The following FAM118A variants were observed in gnomAD, a reference collection of about 807,000 sequenced individuals.
The protein encoded by FAM118A is protein FAM118A.
FAM118A carries 25 observed loss-of-function variants against 38.2 expected under a neutral mutation model. That is an observed-to-expected ratio of 0.65 (90% CI 0.48 to 0.91). The LOEUF (loss-of-function observed/expected upper bound fraction) is 0.91, where lower values mean the gene tolerates loss of function less well. FAM118A is among the 40% of genes least tolerant of loss of function. The probability of loss-of-function intolerance (pLI) is 0.00; values close to 1 mark genes in which losing one functional copy is unlikely to be tolerated. For missense variants in FAM118A, 425 were observed against 463.3 expected, an observed-to-expected ratio of 0.92 and a Z score of 0.76; for synonymous variants, 178 against 184.1, an observed-to-expected ratio of 0.97 and a Z score of 0.27.
chr22:45,326,889 A>G (rs1380209307), intron 3 of FAM118A, among the ~76,000 whole-genome samples: 5 of 144,156 alleles, frequency 3.5e-5, no homozygotes, highest in Non-Finnish European at 6.0e-5. Flanking sequence ...GTGCACCTAT[A>G]GTCCCAGCTA....
intron 1 of FAM118A, chr22:45,321,602 A>T (rs1381441440): frequency 6.6e-6 from 1 of 152,234 alleles, no homozygotes; most frequent in Non-Finnish European, 1.5e-5. Context: ...TTCTTTGTAG[A>T]GACAGGATCT....
intron 4 of FAM118A, chr22:45,328,632 T>A: frequency 5.8e-6 from 3 of 520,854 alleles, no homozygotes; most frequent in Non-Finnish European, 6.9e-6. Context: ...CCCTTTCTCT[T>A]AAAAAAAAAA....
intron 5 of FAM118A, among the ~76,000 whole-genome samples, chr22:45,331,066 C>T (rs568746675): frequency 4.6e-5 from 7 of 152,332 alleles, no homozygotes; most frequent in South Asian, 2.1e-4. Context: ...TGAAACTCCT[C>T]AGCATGACAT....
rs1008307951 is a variant in FAM118A at position 45,309,939 on chromosome 22, G to T, written c.-254G>T. 6.6e-6 allele frequency: 1 copy of T among 152,144 alleles called. No individual in the cohort carries two copies. Among genetic ancestry groups the T allele is most frequent in the African/African-American group, 2.4e-5 (1 of 41,392 alleles). The allele number at this position is 152,144 out of a possible 1,614,324, so 9.4% of individuals were successfully genotyped here. A position where few individuals can be genotyped will look rare whatever the true frequency, so the allele number is the denominator to read the frequency against. On this transcript the variant is annotated 5_prime_UTR_variant, in exon 1 of 9. Coordinates refer to ENST00000441876, the MANE Select transcript of FAM118A (RefSeq NM_017911.4). The stretch of plus-strand genomic sequence containing the variant: ...GGCGCGCGGGGGAAGGGTTTGCGGC[G>T]GCGCCGCTGCCGGCTAACGCGGAGG...
intron 6 of FAM118A, 97 bp from the exon 7 acceptor site, chr22:45,335,253 C>T: frequency 7.0e-7 from 1 of 1,429,188 alleles, no homozygotes; most frequent in Non-Finnish European, 9.8e-7. Context: ...GAAGCCTGTT[C>T]CCAGTCCCTG....
chr22:45,339,631 T>C (rs1569161938), intron 8 of FAM118A, among the ~76,000 whole-genome samples: 2 of 152,176 alleles, frequency 1.3e-5, no homozygotes. Flanking sequence ...TTTCCACTAC[T>C]TTCTTTCACG....
At chr22:45,335,878 G>C (rs2205661) in intron 7 of FAM118A, among the ~76,000 whole-genome samples, 56,872 of 152,256 alleles carry the variant, frequency 0.37, 13,154 homozygotes, top group Non-Finnish European at 0.53. Context: ...GCGTCCTCCT[G>C]TGTGTGCGCT....
At chr22:45,334,789 T>G (rs1724209706) in intron 6 of FAM118A, among the ~76,000 whole-genome samples, 1 of 152,204 alleles carries the variant, frequency 6.6e-6, no homozygotes, top group African/African-American at 2.4e-5. Context: ...CATGTGTGGC[T>G]CTGCAGAGAG....
In FAM118A at chr22:45,315,104, T is replaced by G. The variant is rs181648552; in HGVS notation, c.-10+4921T>G. ...AGTGGCAGTAATTAATGTTGCTCTT[T>G]GAATTAATTTGTGACCAAATTAAAC... On this transcript the variant is annotated intron_variant, in intron 1 of 8. Coordinates refer to ENST00000441876, the MANE Select transcript of FAM118A (RefSeq NM_017911.4). Among the ~76,000 whole-genome samples, 728 of 152,346 alleles carry G rather than the reference T, an allele frequency of 4.8e-3. 4 individuals carry two copies. Among genetic ancestry groups the G allele is most frequent in the Non-Finnish European group, 8.0e-3 (546 of 68,028 alleles).
intron 8 of FAM118A, among the ~76,000 whole-genome samples, chr22:45,339,050 A>G (rs3827392): frequency 0.42 from 63,674 of 152,162 alleles, 15,331 homozygotes; most frequent in African/African-American, 0.66. Flanking sequence ...CTGATGTGGC[A>G]GTCCTTGTGG....
intron 8 of FAM118A, among the ~76,000 whole-genome samples, chr22:45,339,393 C>T (rs1208903839): frequency 4.6e-5 from 7 of 151,956 alleles, no homozygotes; most frequent in Admixed American, 3.3e-4. Flanking sequence ...AGCAAGACTC[C>T]GTTTCAAAAA....
At chr22:45,309,464 G>A (rs1436904111), upstream of FAM118A, 1 of 152,454 alleles carries the variant, frequency 6.6e-6, no homozygotes, top group Non-Finnish European at 1.5e-5. Flanking sequence ...AAGCGGGCAG[G>A]AGTCTGCTGG....
chr22:45,322,686 C>T (rs1462687307), intron 2 of FAM118A, among the ~76,000 whole-genome samples: 2 of 152,116 alleles, frequency 1.3e-5, no homozygotes, highest in East Asian at 3.9e-4. Flanking sequence ...GTCAGGCTTC[C>T]TAAGAAAGAA....
chr22:45,317,266 C>G (rs2084646684), intron 1 of FAM118A, among the ~76,000 whole-genome samples: 1 of 152,128 alleles, frequency 6.6e-6, no homozygotes, highest in Non-Finnish European at 1.5e-5. Context: ...GTAATCCCAG[C>G]TACTTGGAAG....
chr22:45,334,491 G>A (rs1296038313), intron 6 of FAM118A, among the ~76,000 whole-genome samples: 1 of 152,186 alleles, frequency 6.6e-6, no homozygotes, highest in African/African-American at 2.4e-5. Context: ...ACCAATGTAA[G>A]TTCCATTTCC....
intron 1 of FAM118A, among the ~76,000 whole-genome samples, chr22:45,313,447 C>G (rs1034033064): frequency 2.0e-5 from 3 of 151,854 alleles, no homozygotes; most frequent in Non-Finnish European, 4.4e-5. Flanking sequence ...CTCAGCCTCC[C>G]AAGTAGCTGG....
chr22:45,341,210 G>A lies in FAM118A; in HGVS notation c.*805G>A, dbSNP rs1032641219. 6.6e-6 allele frequency: 1 copy of A among 152,232 alleles called. No individual in the cohort carries two copies. Among genetic ancestry groups the A allele is most frequent in the African/African-American group, 2.4e-5 (1 of 41,456 alleles). The allele number at this position is 152,232 out of a possible 1,614,324, so 9.4% of individuals were successfully genotyped here. ...TAAATAGTAAAGAATGAATCCGCTA[G>A]CGAAAATGTTTTTAGGGAGAACAGC... is the stretch of plus-strand genomic sequence containing the variant. On this transcript the variant is annotated 3_prime_UTR_variant, in exon 9 of 9. Coordinates refer to ENST00000441876, the MANE Select transcript of FAM118A (RefSeq NM_017911.4).
In FAM118A at chr22:45,322,123, C is replaced by A. The variant is rs1319401207; in HGVS notation, c.-9-248C>A. 2.2e-6 allele frequency: 3 copies of A among 1,378,018 alleles called. No homozygotes were observed. The Admixed American group carries it at 7.2e-5, about 33-fold the overall frequency. The allele number at this position is 1,378,018 out of a possible 1,614,324, so 85.4% of individuals were successfully genotyped here. ...TCATCTGCTCCTGTGTGTGCGTTTTCCTTCTGTGCTGTCCCGTGTAGAACA... is the reference window on the plus strand; with the variant it reads ...TCATCTGCTCCTGTGTGTGCGTTTTACTTCTGTGCTGTCCCGTGTAGAACA... On this transcript the variant is annotated intron_variant, in intron 1 of 8. Transcript: ENST00000441876.
At chr22:45,337,752 C>CG (rs1456294049) in intron 8 of FAM118A, 1 of 834,664 alleles carries the variant, frequency 1.2e-6, no homozygotes, top group Non-Finnish European at 1.4e-6. Flanking sequence ...CTCTGGCCCC[C>CG]CATCCATCCT....
Sources: allele counts gnomAD v4.1 joint callset (sites outside exome capture counted in the v4.1 genomes callset), GRCh38; gene constraint gnomAD v4.1.1; transcripts MANE v1.5; gene names NCBI Gene and HGNC (gene_info 2026-07-23, HGNC 2026-07-21).